SMC2: variants seen among roughly 807,000 people sequenced by gnomAD.
SMC2 encodes structural maintenance of chromosomes 2.
Under a neutral mutation model 142.6 loss-of-function variants are expected in SMC2, and 41 were observed. The observed-to-expected ratio is 0.29, with a 90% CI of 0.22 to 0.37. SMC2 has a LOEUF of 0.37. Ranked by LOEUF, SMC2 falls within the 10% of genes least tolerant of loss-of-function variation. SMC2 has a pLI of 1.00. For synonymous variants in SMC2, 463 were observed against 457.5 expected (o/e 1.01, Z -0.15); for missense variants, 1,265 against 1,373.7 (o/e 0.92, Z 1.25).
chr9:104,131,304 A>G (rs1353909698), intron 21 of SMC2, among the ~76,000 whole-genome samples: 2 of 152,158 alleles, frequency 1.3e-5, no homozygotes, highest in Non-Finnish European at 2.9e-5. Flanking sequence ...TGAGTTTATT[A>G]TGTTCAAAGG....
intron 16 of SMC2, among the ~76,000 whole-genome samples, chr9:104,120,531 A>G (rs1332009121): frequency 6.6e-6 from 1 of 152,200 alleles, no homozygotes; most frequent in Non-Finnish European, 1.5e-5. Context: ...AATATGATAC[A>G]GTATAGCATT....
intron 16 of SMC2, among the ~76,000 whole-genome samples, chr9:104,122,072 A>G (rs1323743646): frequency 2.0e-5 from 3 of 152,218 alleles, no homozygotes; most frequent in African/African-American, 4.8e-5. Flanking sequence ...TTAACCATAG[A>G]GTAAATGAAT....
chr9:104,095,644 TG>T, intron 2 of SMC2, 92 bp downstream of exon 2: 1 of 989,816 alleles, frequency 1.0e-6, no homozygotes, highest in Non-Finnish European at 1.5e-6. Context: ...TCTTCATTTG[TG>T]TTTTTATACT....
chr9:104,112,035 ATTATC>A (rs1356444664), intron 10 of SMC2, among the ~76,000 whole-genome samples: 1 of 152,194 alleles, frequency 6.6e-6, no homozygotes, highest in African/African-American at 2.4e-5. Context: ...TACTACATAA[ATTATC>A]TTAATTCGGT....
At chr9:104,123,951 A>G (rs144462210) in intron 17 of SMC2, among the ~76,000 whole-genome samples, 488 of 152,332 alleles carry the variant, frequency 3.2e-3, no homozygotes, top group Non-Finnish European at 4.5e-3. Context: ...CTTCTCCACT[A>G]ATATTTTAAT....
intron 4 of SMC2, among the ~76,000 whole-genome samples, chr9:104,098,837 TA>T (rs57501335): frequency 0.051 from 7,409 of 145,330 alleles, 575 homozygotes; most frequent in African/African-American, 0.17. Context: ...ATGTTAACTG[TA>T]AAAAAAAAAA....
intron 7 of SMC2, among the ~76,000 whole-genome samples, chr9:104,101,539 C>T (rs1831120816): frequency 6.6e-6 from 1 of 152,090 alleles, no homozygotes; most frequent in East Asian, 1.9e-4. Context: ...ATTACTTTGT[C>T]TGGTCCCAGT....
intron 21 of SMC2, 48 bp downstream of exon 21, chr9:104,129,893 C>T: frequency 1.4e-6 from 2 of 1,387,834 alleles, no homozygotes; most frequent in South Asian, 2.3e-5. Flanking sequence ...ACATGACTAG[C>T]ATTGACAGCT....
rs1835890071 is a variant in SMC2 at position 104,139,531 on chromosome 9, T to C, written c.*216T>C. On this transcript the variant is annotated 3_prime_UTR_variant, in exon 25 of 25. Transcript: ENST00000374793. Reference sequence around the variant, plus strand: ...TCCAATTATTGTGGTTGTGATTTTATGCATATCATCAAATGTTTTTTTCTT... The same window carrying C: ...TCCAATTATTGTGGTTGTGATTTTACGCATATCATCAAATGTTTTTTTCTT... 5.1e-6 allele frequency: 2 copies of C among 395,198 alleles called. No individual in the cohort carries two copies. Among genetic ancestry groups the C allele is most frequent in the East Asian group, 8.8e-5 (2 of 22,760 alleles). The allele number at this position is 395,198 out of a possible 1,614,324, so 24.5% of individuals were successfully genotyped here.
At chr9:104,124,840 TTC>T in intron 17 of SMC2, 70 bp from the exon 18 acceptor site, 1 of 1,172,874 alleles carries the variant, frequency 8.5e-7, no homozygotes. Flanking sequence ...AAACCATTTC[TTC>T]TATTAAAAGT....
At position 104,098,559 on chromosome 9, in the gene SMC2, C is replaced by CATCATGCA; in HGVS notation, c.433_440dup (p.Gly148SerfsTer10). On this transcript the variant is annotated frameshift_variant, in exon 4 of 25. Transcript: ENST00000374793. LOFTEE classifies it high-confidence loss of function. Reference sequence around the variant, plus strand: ...TTAATGTTAACAACCCTCACTTTCTCATCATGCAGGTATTTCGTTTGAGGT... The same window carrying CATCATGCA: ...TTAATGTTAACAACCCTCACTTTCTCATCATGCAATCATGCAGGTATTTCGTTTGAGGT... The CATCATGCA allele has an allele frequency of 6.3e-7, 1 of 1,587,980 alleles. No individual in the cohort carries two copies.
At chr9:104,121,308 C>T (rs1430180811) in intron 16 of SMC2, among the ~76,000 whole-genome samples, 1 of 151,904 alleles carries the variant, frequency 6.6e-6, no homozygotes, top group Admixed American at 6.6e-5. Context: ...GCTTGGGCAA[C>T]ATGGAGAAAC....
chr9:104,109,890 G>T (rs1832233225), intron 9 of SMC2, among the ~76,000 whole-genome samples: 1 of 152,064 alleles, frequency 6.6e-6, no homozygotes, highest in African/African-American at 2.4e-5. Context: ...ACCATACTTG[G>T]CATTATTCAT....
intron 12 of SMC2, among the ~76,000 whole-genome samples, 180 bp downstream of exon 12, chr9:104,114,261 G>A (rs1832833356): frequency 6.6e-6 from 1 of 152,088 alleles, no homozygotes; most frequent in South Asian, 2.1e-4. Flanking sequence ...AATGTTGGCA[G>A]GGAAATTCTT....
chr9:104,101,564 G>A (rs1831124530), intron 7 of SMC2, among the ~76,000 whole-genome samples: 1 of 152,180 alleles, frequency 6.6e-6, no homozygotes, highest in Non-Finnish European at 1.5e-5. Context: ...CCTTATGGGA[G>A]TCGTGTTTAG....
At chr9:104,137,509 C>A (rs1338032744) in intron 23 of SMC2, among the ~76,000 whole-genome samples, 4 of 151,962 alleles carry the variant, frequency 2.6e-5, no homozygotes, top group Admixed American at 1.3e-4. Flanking sequence ...ACAACTTATT[C>A]ACAAATGGTA....
upstream of SMC2, chr9:104,092,668 C>CA (rs1230466300): frequency 1.3e-5 from 2 of 152,158 alleles, no homozygotes; most frequent in Non-Finnish European, 2.9e-5. Flanking sequence ...ATAAGCATAC[C>CA]AGAGTAAACA....
rs371553750 is a variant in SMC2 at position 104,137,122 on chromosome 9, G to A, written c.3270-896G>A. ...GAGATTGTGCTACTGCACTTCATCC[G>A]GGGTGACAGAGCAAGACTCTCAAAA... On this transcript the variant is annotated intron_variant, in intron 23 of 24. Coordinates refer to ENST00000374793, the MANE Select transcript of SMC2 (RefSeq NM_006444.3). Among the ~76,000 whole-genome samples, 75 of 152,064 alleles carry A rather than the reference G, an allele frequency of 4.9e-4. No individual in the cohort carries two copies. In the South Asian group the frequency reaches 8.3e-3, roughly 17 times the overall value.
chr9:104,126,054 A>G (rs1762075330), intron 18 of SMC2, among the ~76,000 whole-genome samples: 1 of 152,172 alleles, frequency 6.6e-6, no homozygotes. Flanking sequence ...TTAGATTCTC[A>G]GAGGAGTGCA....
Sources: allele counts gnomAD v4.1 joint callset (sites outside exome capture counted in the v4.1 genomes callset), GRCh38; gene constraint gnomAD v4.1.1; transcripts MANE v1.5; gene names NCBI Gene and HGNC (gene_info 2026-07-23, HGNC 2026-07-21).